The following ADCY10 variants were observed in gnomAD, a reference collection of about 807,000 sequenced individuals.
ADCY10 encodes adenylate cyclase type 10.
A neutral mutation model predicts 183.3 loss-of-function variants in ADCY10; 156 were observed. The observed-to-expected ratio is 0.85, with a 90% CI of 0.75 to 0.97. The LOEUF is 0.97. Among genes scored for constraint, ADCY10 ranks in the 50% least tolerant of loss-of-function variants. ADCY10 has a pLI of 0.00. For synonymous variants in ADCY10, 645 were observed against 670.0 expected, an observed-to-expected ratio of 0.96 and a Z score of 0.58; for missense variants, 1,745 against 1,934.3, an observed-to-expected ratio of 0.90 and a Z score of 1.84.
intron 21 of ADCY10, among the ~76,000 whole-genome samples, chr1:167,845,241 T>C (rs914572599): frequency 6.6e-6 from 1 of 152,232 alleles, no homozygotes; most frequent in Non-Finnish European, 1.5e-5. Flanking sequence ...TGTCAGATTG[T>C]ACCCCCCTTT....
intron 18 of ADCY10, among the ~76,000 whole-genome samples, chr1:167,849,983 C>G (rs1356055543): frequency 1.3e-5 from 2 of 151,992 alleles, no homozygotes; most frequent in Non-Finnish European, 2.9e-5. Context: ...GGGAGCAGAG[C>G]ATGGAGGGCA....
At chr1:167,870,839 G>A (rs1283036231) in intron 13 of ADCY10, among the ~76,000 whole-genome samples, 1 of 151,496 alleles carries the variant, frequency 6.6e-6, no homozygotes, top group East Asian at 1.9e-4. Context: ...AATTTCCATG[G>A]CATTGTTCAC....
intron 26 of ADCY10, 63 bp from the exon 27 acceptor site, chr1:167,824,918 C>G: frequency 7.0e-7 from 1 of 1,433,796 alleles, no homozygotes; most frequent in Non-Finnish European, 9.8e-7. Flanking sequence ...AGGAACATCA[C>G]TCAATGTCTG....
chr1:167,812,084 T>TGC (rs1487276417), intron 31 of ADCY10, among the ~76,000 whole-genome samples: 1 of 152,182 alleles, frequency 6.6e-6, no homozygotes, highest in Non-Finnish European at 1.5e-5. Context: ...CTGAAGAACC[T>TGC]GCGTACAACT....
intron 12 of ADCY10, 29 bp downstream of exon 12, chr1:167,878,417 A>T: frequency 6.2e-7 from 1 of 1,608,298 alleles, no homozygotes; most frequent in Non-Finnish European, 8.5e-7. Flanking sequence ...TTACTAAAAT[A>T]TACTTCAAAA....
At chr1:167,872,400 C>T (rs1667170617) in intron 13 of ADCY10, among the ~76,000 whole-genome samples, 1 of 151,182 alleles carries the variant, frequency 6.6e-6, no homozygotes. Context: ...GCTGACTCTT[C>T]CAGCTCCCTG....
chr1:167,883,048 G>A lies in ADCY10; in HGVS notation c.1020+389C>T, dbSNP rs192544769. Among the ~76,000 whole-genome samples, 877 of 152,152 alleles carry A rather than the reference G, an allele frequency of 5.8e-3. 6 individuals carry two copies. Among genetic ancestry groups the A allele is most frequent in the Admixed American group, 0.014 (207 of 15,286 alleles). On this transcript the variant is annotated intron_variant, in intron 9 of 32. Transcript: ENST00000367851. Reference sequence around the variant, plus strand: ...CCTTCTAGGTTAAATTTCTTTTTTTGTTTAGTTGAGACGGAGTCTCACGCT... The same window carrying A: ...CCTTCTAGGTTAAATTTCTTTTTTTATTTAGTTGAGACGGAGTCTCACGCT...
chr1:167,894,314 G>A (rs977812802), intron 7 of ADCY10, among the ~76,000 whole-genome samples: 1 of 152,176 alleles, frequency 6.6e-6, no homozygotes, highest in East Asian at 1.9e-4. Context: ...GGATGGTAGA[G>A]TTGAAAGGGC....
At position 167,818,299 on chromosome 1, in the gene ADCY10, G is replaced by A. The variant is rs2101844506; in HGVS notation, c.4287-32C>T. The A allele has an allele frequency of 2.5e-6, 4 of 1,586,058 alleles. No individual in the cohort carries two copies. The East Asian group carries it at 8.9e-5, about 35-fold the overall frequency. ...TACCACAAGAGAATAAGAAAAATCA[G>A]TATCACCCATTAGGAATAGGCTGGC... On this transcript the variant is annotated intron_variant, in intron 30 of 32. Coordinates refer to ENST00000367851, the MANE Select transcript of ADCY10 (RefSeq NM_018417.6).
At chr1:167,901,971 T>A (rs749492143) in intron 4 of ADCY10, 45 bp downstream of exon 4, 6 of 1,611,390 alleles carry the variant, frequency 3.7e-6, no homozygotes, top group Non-Finnish European at 5.1e-6. Context: ...CACAGGCACC[T>A]CAGCACTCCT....
At chr1:167,866,016 G>C (rs111755474) in intron 14 of ADCY10, among the ~76,000 whole-genome samples, 1 of 152,232 alleles carries the variant, frequency 6.6e-6, no homozygotes, top group Non-Finnish European at 1.5e-5. Flanking sequence ...TCACCACAGA[G>C]AGGAAACTTA....
At chr1:167,829,008 C>G (rs1408217063) in intron 26 of ADCY10, among the ~76,000 whole-genome samples, 1 of 152,054 alleles carries the variant, frequency 6.6e-6, no homozygotes, top group African/African-American at 2.4e-5. Flanking sequence ...AGAATTTTCT[C>G]GACTTTTGTT....
At chr1:167,870,123 G>A in intron 14 of ADCY10, 134 bp downstream of exon 14, 1 of 989,626 alleles carries the variant, frequency 1.0e-6, no homozygotes, top group Non-Finnish European at 1.6e-6. Flanking sequence ...TATCTATTTA[G>A]CACAAGGGTC....
intron 21 of ADCY10, among the ~76,000 whole-genome samples, chr1:167,838,036 A>C (rs1212146096): frequency 1.3e-5 from 2 of 152,240 alleles, no homozygotes; most frequent in African/African-American, 4.8e-5. Flanking sequence ...AACTTGTCTC[A>C]GGTCATACAT....
chr1:167,873,989 A>G (rs1401093814), intron 13 of ADCY10, among the ~76,000 whole-genome samples: 7 of 152,236 alleles, frequency 4.6e-5, no homozygotes, highest in African/African-American at 1.7e-4. Flanking sequence ...AAAGATAATC[A>G]AAATATAACC....
intron 6 of ADCY10, among the ~76,000 whole-genome samples, chr1:167,899,103 C>T (rs2102402963): frequency 6.6e-6 from 1 of 152,254 alleles, no homozygotes; most frequent in South Asian, 2.1e-4. Flanking sequence ...AAACTATTCC[C>T]CTCTGCTCCT....
chr1:167,908,454 C>T (rs1046906292), intron 1 of ADCY10, among the ~76,000 whole-genome samples: 14 of 151,974 alleles, frequency 9.2e-5, no homozygotes, highest in South Asian at 8.3e-4. Flanking sequence ...TTCAATTAGA[C>T]CCAATGAAAA....
At chr1:167,893,563 A>G (rs1668742032) in intron 8 of ADCY10, among the ~76,000 whole-genome samples, 2 of 151,968 alleles carry the variant, frequency 1.3e-5, no homozygotes, top group South Asian at 2.1e-4. Context: ...AAATACAAAA[A>G]GTTAGCTGGG....
At chr1:167,877,628 G>A (rs902126071) in intron 12 of ADCY10, among the ~76,000 whole-genome samples, 3 of 152,140 alleles carry the variant, frequency 2.0e-5, no homozygotes, top group South Asian at 4.2e-4. Flanking sequence ...AGTGAAAACT[G>A]TAGGAAGTGA....
Sources: allele counts gnomAD v4.1 joint callset (sites outside exome capture counted in the v4.1 genomes callset), GRCh38; gene constraint gnomAD v4.1.1; transcripts MANE v1.5; gene names NCBI Gene and HGNC (gene_info 2026-07-23, HGNC 2026-07-21).